Variants in HTT observed in about 807,000 individuals in gnomAD.
HTT encodes the protein huntingtin.
In HTT, 104 loss-of-function variants were observed where a neutral mutation model predicts 362.3. The ratio of observed to expected loss-of-function variants is 0.29; its 90% confidence interval spans 0.24 to 0.34. The LOEUF (loss-of-function observed/expected upper bound fraction) is 0.34, where lower values mean the gene tolerates loss of function less well. Ranked by LOEUF, HTT falls within the 10% of genes least tolerant of loss-of-function variation. The probability of loss-of-function intolerance (pLI) is 1.00; values close to 1 mark genes in which losing one functional copy is unlikely to be tolerated. For synonymous variants in HTT, 1,577 were observed against 1,548.7 expected, an observed-to-expected ratio of 1.02 and a Z score of -0.43; for missense variants, 3,301 against 3,928.6, an observed-to-expected ratio of 0.84 and a Z score of 4.27.
chr4:3,208,745 T>C (rs368282902), intron 45 of HTT, 28 bp from the exon 46 acceptor site: 15 of 1,553,610 alleles, frequency 9.7e-6, no homozygotes, highest in East Asian at 2.3e-5. Context: ...CAAATTATAC[T>C]GTAATTTCAT....
At chr4:3,212,518 A>G (rs770272941) in intron 48 of HTT, 46 bp from the exon 49 acceptor site, 1 of 1,593,262 alleles carries the variant, frequency 6.3e-7, no homozygotes, top group Non-Finnish European at 8.6e-7. Flanking sequence ...AAGTTGATGC[A>G]TCTGTGCTCA....
intron 25 of HTT, among the ~76,000 whole-genome samples, 168 bp downstream of exon 25, chr4:3,147,116 G>T (rs1424566701): frequency 6.6e-6 from 1 of 152,244 alleles, no homozygotes; most frequent in Non-Finnish European, 1.5e-5. Context: ...AACACATGCA[G>T]TTGGCAGCTG....
intron 37 of HTT, 58 bp from the exon 38 acceptor site, chr4:3,186,539 A>G (rs1718766220): frequency 1.3e-6 from 2 of 1,592,350 alleles, no homozygotes; most frequent in African/African-American, 1.3e-5. Context: ...GCTGGTGTAC[A>G]GGAAGCTGTC....
intron 2 of HTT, among the ~76,000 whole-genome samples, chr4:3,094,895 C>G (rs934853676): frequency 6.6e-6 from 1 of 151,046 alleles, no homozygotes. Flanking sequence ...GACGGAGTCA[C>G]GGCCGGGCAG....
chr4:3,089,139 A>G (rs1713367828), intron 2 of HTT, among the ~76,000 whole-genome samples: 1 of 152,210 alleles, frequency 6.6e-6, no homozygotes, highest in Non-Finnish European at 1.5e-5. Flanking sequence ...TTCTTGTGGG[A>G]TCAGATGGTA....
chr4:3,098,696 C>T (rs768371019), intron 2 of HTT, among the ~76,000 whole-genome samples: 2 of 152,182 alleles, frequency 1.3e-5, no homozygotes, highest in Non-Finnish European at 2.9e-5. Flanking sequence ...ACAACAAAAA[C>T]ACAATCTGAC....
chr4:3,178,572 C>T, intron 35 of HTT, 126 bp downstream of exon 35: 1 of 769,328 alleles, frequency 1.3e-6, no homozygotes, highest in Non-Finnish European at 2.1e-6. Flanking sequence ...GCATGTGTGT[C>T]TGTGTATGTG....
chr4:3,163,949 A>G (rs1434632622), intron 29 of HTT, among the ~76,000 whole-genome samples: 4 of 149,262 alleles, frequency 2.7e-5, no homozygotes, highest in Non-Finnish European at 5.9e-5. Context: ...GATCTTAGTT[A>G]TTTTTTGTCT....
chr4:3,165,786 A>G (rs982763197), intron 29 of HTT, among the ~76,000 whole-genome samples: 3 of 151,372 alleles, frequency 2.0e-5, no homozygotes, highest in African/African-American at 4.9e-5. Flanking sequence ...TCTTCTCTAC[A>G]CTGGTTATTC....
chr4:3,185,723 G>C (rs558660197), intron 37 of HTT, among the ~76,000 whole-genome samples: 1 of 152,184 alleles, frequency 6.6e-6, no homozygotes, highest in Non-Finnish European at 1.5e-5. Flanking sequence ...GACCAGCCTG[G>C]GCAACATGGT....
In HTT at chr4:3,236,541, G is replaced by A. The variant is rs562877215; in HGVS notation, c.8891+287G>A. Among the ~76,000 whole-genome samples the A allele has an allele frequency of 3.3e-5, 5 of 152,288 alleles. No homozygotes were observed. The East Asian group carries it at 9.7e-4, about 29-fold the overall frequency. On this transcript the variant is annotated intron_variant, in intron 64 of 66. Transcript: ENST00000355072. ...ACAGTACCTGGCAGTTGGGGGTGTG[G>A]CAGGGGGCAGGAATGACCAGCCTCT...
intron 1 of HTT, among the ~76,000 whole-genome samples, chr4:3,080,085 C>T (rs1712807435): frequency 6.6e-6 from 1 of 152,046 alleles, no homozygotes; most frequent in Non-Finnish European, 1.5e-5. Flanking sequence ...AGTTAAGGAA[C>T]CCAGGCTCTT....
At position 3,131,735 on chromosome 4, in the gene HTT, C is replaced by G; in HGVS notation, c.2196C>G (p.Ser732Arg). The G allele has an allele frequency of 6.2e-7, 1 of 1,614,054 alleles. No homozygotes were observed. Among genetic ancestry groups the G allele is most frequent in the South Asian group, 1.1e-5 (1 of 91,072 alleles). ...AVALHPESFF[S>R]KLYKVPLDTT... ...CCCTCCACCCGGAATCTTTCTTCAG[C>G]AAACTCTATAAAGTTCCTCTTGACA... Residue 732 changes from serine to arginine, a missense_variant, in exon 16 of 67, where the codon AGC becomes AGG. Coordinates refer to ENST00000355072, the MANE Select transcript of HTT (RefSeq NM_001388492.1).
intron 6 of HTT, among the ~76,000 whole-genome samples, chr4:3,108,690 G>T (rs1714564744): frequency 6.6e-6 from 1 of 152,114 alleles, no homozygotes; most frequent in Admixed American, 6.5e-5. Flanking sequence ...CTTCCTTCCT[G>T]AACCTTTGGC....
intron 45 of HTT, among the ~76,000 whole-genome samples, chr4:3,208,495 A>C (rs1487372612): frequency 6.6e-6 from 1 of 152,250 alleles, no homozygotes; most frequent in African/African-American, 2.4e-5. Flanking sequence ...GCAGTGTTTG[A>C]GTATAAATGA....
chr4:3,079,364 C>T (rs929371722), intron 1 of HTT, among the ~76,000 whole-genome samples: 4 of 151,442 alleles, frequency 2.6e-5, no homozygotes, highest in African/African-American at 7.3e-5. Flanking sequence ...TCAAGTGATC[C>T]TCCCACCTCA....
intron 8 of HTT, among the ~76,000 whole-genome samples, chr4:3,117,488 ATAAG>A (rs1715088320): frequency 6.6e-6 from 1 of 151,976 alleles, no homozygotes; most frequent in African/African-American, 2.4e-5. Context: ...TATTTCATCT[ATAAG>A]TATTTCAGTA....
chr4:3,107,761 A>G (rs1714511770), intron 6 of HTT, among the ~76,000 whole-genome samples: 1 of 152,222 alleles, frequency 6.6e-6, no homozygotes, highest in Admixed American at 6.5e-5. Context: ...GGTAGGAGAA[A>G]GCTCACTGAC....
intron 2 of HTT, among the ~76,000 whole-genome samples, chr4:3,094,498 G>T (rs1256314798): frequency 6.6e-6 from 1 of 151,668 alleles, no homozygotes; most frequent in African/African-American, 2.4e-5. Flanking sequence ...CGGCCGGGCA[G>T]AGGCGCCCCC....
Sources: gnomAD v4.1 joint callset for allele counts (sites outside exome capture counted in the v4.1 genomes callset) on GRCh38, gnomAD v4.1.1 for gene constraint, MANE v1.5 for transcripts, NCBI Gene and HGNC (gene_info 2026-07-23, HGNC 2026-07-21) for gene names.